TRMT11: variants seen among roughly 807,000 people sequenced by gnomAD.
TRMT11 encodes tRNA (guanine(10)-N(2))-methyltransferase TRMT11.
A neutral mutation model predicts 62.8 loss-of-function variants in TRMT11; 53 were observed. The ratio of observed to expected loss-of-function variants is 0.84; its 90% CI spans 0.68 to 1.06. The LOEUF (loss-of-function observed/expected upper bound fraction) is 1.06. Among genes scored for constraint, TRMT11 ranks in the 50% least tolerant of loss-of-function variants. TRMT11 has a pLI of 0.00. For synonymous variants in TRMT11, 188 were observed against 190.3 expected (o/e 0.99, Z 0.10); for missense variants, 556 against 553.4 (o/e 1.00, Z -0.05).
chr6:126,190,975 A>G (rs985521051), intron 1 of TRMT11, among the ~76,000 whole-genome samples: 1 of 152,174 alleles, frequency 6.6e-6, no homozygotes, highest in Non-Finnish European at 1.5e-5. Context: ...GCTGGATCAT[A>G]GGATAGTTCT....
At position 126,200,109 on chromosome 6, in the gene TRMT11, G is replaced by A. The variant is rs182805421; in HGVS notation, n.371+209G>A. ...ACTTGTAAGGGCAGGGGTCATGAGA[G>A]TATAAATGGGACAGAATTCTGAAGG... On this transcript the variant is annotated intron_variant and non_coding_transcript_variant, in intron 3 of 3. Coordinates refer to the TRMT11 transcript ENST00000444229. 2.0e-5 allele frequency among the ~76,000 whole-genome samples: 3 copies of A among 152,318 alleles called. No individual in the cohort carries two copies. The East Asian group carries it at 5.8e-4, about 29-fold the overall frequency.
At chr6:126,075,325 C>T (rs926949184) in intron 17 of TRMT11, among the ~76,000 whole-genome samples, 2 of 152,016 alleles carry the variant, frequency 1.3e-5, no homozygotes, top group African/African-American at 4.8e-5. Context: ...ATTTGTGTCC[C>T]CACCCCAATC....
chr6:126,256,081 G>A, the TRMT11 span, among the ~76,000 whole-genome samples: 1 of 152,182 alleles, frequency 6.6e-6, no homozygotes, highest in African/African-American at 2.4e-5. Flanking sequence ...CCATATCAAA[G>A]GTTGCTTTCT....
chr6:126,193,488 G>GTTTTTTTTTGTTTTTTTTTT (rs1778627491), intron 1 of TRMT11, among the ~76,000 whole-genome samples: 1 of 118,140 alleles, frequency 8.5e-6, no homozygotes, highest in African/African-American at 3.7e-5. Flanking sequence ...GAGCGTTTCT[G>GTTTTTTTTTGTTTTTTTTTT]TATTTTTTTT....
chr6:126,017,944 C>T (rs1367566950), intron 11 of TRMT11, among the ~76,000 whole-genome samples: 1 of 152,070 alleles, frequency 6.6e-6, no homozygotes, highest in Non-Finnish European at 1.5e-5. Context: ...AGCTGTTTGC[C>T]CAGGCTCCAT....
intron 21 of TRMT11, among the ~76,000 whole-genome samples, chr6:126,151,943 C>CTTTCTTTCTTTG (rs1554242330): frequency 5.9e-5 from 2 of 33,898 alleles, no homozygotes; most frequent in African/African-American, 2.1e-4. Flanking sequence ...TTCTTTCTTT[C>CTTTCTTTCTTTG]TTTTCTTTCT....
At chr6:126,162,891 T>C (rs1164417655) in intron 21 of TRMT11, among the ~76,000 whole-genome samples, 1 of 152,154 alleles carries the variant, frequency 6.6e-6, no homozygotes. Flanking sequence ...ATGCTTGTGG[T>C]TTTTGCACAT....
At chr6:125,992,829 G>A (rs1268715654) in intron 1 of TRMT11, among the ~76,000 whole-genome samples, 1 of 152,186 alleles carries the variant, frequency 6.6e-6, no homozygotes, top group East Asian at 1.9e-4. Context: ...ATAGTTCTTG[G>A]TCGATCCATC....
chr6:126,244,055 G>A, the TRMT11 span, among the ~76,000 whole-genome samples: 17 of 151,960 alleles, frequency 1.1e-4, no homozygotes, highest in Non-Finnish European at 1.9e-4. Flanking sequence ...GAAAGTTAAG[G>A]TCTTTTCTAT....
downstream of TRMT11, among the ~76,000 whole-genome samples, chr6:126,202,996 A>G (rs1237239570): frequency 6.6e-6 from 1 of 152,186 alleles, no homozygotes; most frequent in Non-Finnish European, 1.5e-5. Context: ...GCAGTTGCAT[A>G]AAGGGTGTTT....
At chr6:126,123,241 A>G (rs968835758) in intron 21 of TRMT11, among the ~76,000 whole-genome samples, 2 of 152,136 alleles carry the variant, frequency 1.3e-5, no homozygotes, top group Admixed American at 6.6e-5. Context: ...TTAAAGGACT[A>G]TGTTGAGCCA....
At chr6:126,200,346 A>G (rs1778720575) in intron 3 of TRMT11, among the ~76,000 whole-genome samples, 1 of 152,222 alleles carries the variant, frequency 6.6e-6, no homozygotes, top group Non-Finnish European at 1.5e-5. Flanking sequence ...GGCTATCATT[A>G]CCATAACATT....
At chr6:126,152,048 TTTTC>T (rs961564108) in intron 21 of TRMT11, among the ~76,000 whole-genome samples, 10 of 141,504 alleles carry the variant, frequency 7.1e-5, no homozygotes, top group African/African-American at 2.6e-4. Context: ...TCTCTCTCTC[TTTTC>T]TTTCTTTTTT....
At position 126,189,743 on chromosome 6, in the gene TRMT11, C is replaced by G. The variant is rs115967904; in HGVS notation, n.144-9056C>G. 6.1e-3 allele frequency among the ~76,000 whole-genome samples: 935 copies of G among 152,182 alleles called. 9 individuals are homozygous for G. The highest frequency in any genetic ancestry group is 0.022 in the African/African-American group (900 of 41,538). On this transcript the variant is annotated intron_variant and non_coding_transcript_variant, in intron 1 of 3. Coordinates refer to the TRMT11 transcript ENST00000444229. ...TTTGGCTTAGTAATAAGGTAGCATA[C>G]TGGACATTTTTACAAGATAAGTGTA... is the stretch of plus-strand genomic sequence containing the variant.
intron 1 of TRMT11, among the ~76,000 whole-genome samples, chr6:126,187,760 G>T (rs1778542799): frequency 6.6e-6 from 1 of 151,766 alleles, no homozygotes; most frequent in Non-Finnish European, 1.5e-5. Context: ...AGGTGATGGG[G>T]TAAAGATAGA....
At chr6:126,031,481 G>A (rs1415667095) in intron 12 of TRMT11, among the ~76,000 whole-genome samples, 1 of 152,142 alleles carries the variant, frequency 6.6e-6, no homozygotes, top group Non-Finnish European at 1.5e-5. Flanking sequence ...GTTCTGTAGT[G>A]ATCTGTGAGA....
chr6:126,004,089 G>GAGAAT (rs1562250654), intron 7 of TRMT11, among the ~76,000 whole-genome samples: 2 of 151,952 alleles, frequency 1.3e-5, no homozygotes, highest in South Asian at 4.2e-4. Flanking sequence ...TTTGTCAATT[G>GAGAAT]AGAATAATTC....
At chr6:126,093,629 A>ATTTTTTTTTTTTTTT (rs1199202335) in intron 17 of TRMT11, among the ~76,000 whole-genome samples, 3 of 94,040 alleles carry the variant, frequency 3.2e-5, no homozygotes, top group African/African-American at 1.4e-4. Context: ...ATATATATAT[A>ATTTTTTTTTTTTTTT]TATTTTCCCC....
At chr6:126,202,467 T>C (rs1156939870), downstream of TRMT11, among the ~76,000 whole-genome samples, 1 of 152,196 alleles carries the variant, frequency 6.6e-6, no homozygotes, top group East Asian at 1.9e-4. Context: ...TCTACTTCTT[T>C]TCCCCCTGTA....
Sources: allele counts gnomAD v4.1 joint callset (sites outside exome capture counted in the v4.1 genomes callset), GRCh38; gene constraint gnomAD v4.1.1; transcripts MANE v1.5; gene names NCBI Gene and HGNC (gene_info 2026-07-23, HGNC 2026-07-21).